COL5A2: variants seen among roughly 807,000 people sequenced by gnomAD.
COL5A2 encodes the protein collagen alpha-2(V) chain.
Under a neutral mutation model 208.2 loss-of-function variants are expected in COL5A2, and 23 were observed. The ratio of observed to expected loss-of-function variants is 0.11; its 90% CI spans 0.08 to 0.16. The LOEUF is 0.16. Ranked by LOEUF, COL5A2 falls within the 10% of genes least tolerant of loss-of-function variation. COL5A2 has a pLI of 1.00. For missense variants in COL5A2, 1,590 were observed against 1,956.4 expected (o/e 0.81, Z 3.53); for synonymous variants, 625 against 628.5 (o/e 0.99, Z 0.08).
intron 13 of COL5A2, 22 bp downstream of exon 13, chr2:189,080,968 G>A: frequency 6.2e-7 from 1 of 1,603,026 alleles, no homozygotes; most frequent in Non-Finnish European, 8.5e-7. Context: ...TATCTGAGAG[G>A]ATTACAATAG....
chr2:189,277,350 T>G, the COL5A2 span, among the ~76,000 whole-genome samples: 2 of 151,980 alleles, frequency 1.3e-5, no homozygotes, highest in South Asian at 2.1e-4. Flanking sequence ...CATCAGAAAA[T>G]TAAGGTAAAT....
intron 50 of COL5A2, among the ~76,000 whole-genome samples, chr2:189,041,151 C>G (rs1365857917): frequency 6.6e-6 from 1 of 152,092 alleles, no homozygotes; most frequent in African/African-American, 2.4e-5. Context: ...AAACTTTTTA[C>G]AAAAAGTTTT....
chr2:189,382,504 G>A, the COL5A2 span, among the ~76,000 whole-genome samples: 8 of 152,222 alleles, frequency 5.3e-5, no homozygotes, highest in African/African-American at 1.9e-4. Flanking sequence ...TTCTATTTAT[G>A]GAAGTTTTTC....
intron 18 of COL5A2, among the ~76,000 whole-genome samples, chr2:189,070,241 T>C (rs1181535582): frequency 6.6e-6 from 1 of 152,222 alleles, no homozygotes; most frequent in Non-Finnish European, 1.5e-5. Context: ...TATGTACCTA[T>C]GTGGATCTAA....
At chr2:189,280,496 G>C in the COL5A2 span, among the ~76,000 whole-genome samples, 2 of 151,868 alleles carry the variant, frequency 1.3e-5, no homozygotes, top group Non-Finnish European at 2.9e-5. Context: ...AAAATATGAA[G>C]GAATATACAA....
chr2:189,337,600 G>A, the COL5A2 span, among the ~76,000 whole-genome samples: 1 of 152,126 alleles, frequency 6.6e-6, no homozygotes, highest in African/African-American at 2.4e-5. Context: ...ATATACTCAT[G>A]GAGGAAGCAT....
At chr2:189,146,559 A>T (rs899722770) in intron 1 of COL5A2, among the ~76,000 whole-genome samples, 1 of 152,176 alleles carries the variant, frequency 6.6e-6, no homozygotes, top group Non-Finnish European at 1.5e-5. Flanking sequence ...ATTCAAAATG[A>T]TTAAGCCTAG....
intron 1 of COL5A2, among the ~76,000 whole-genome samples, chr2:189,131,366 AG>A (rs1159507711): frequency 6.6e-6 from 1 of 152,198 alleles, no homozygotes; most frequent in African/African-American, 2.4e-5. Context: ...AGCATCAAAA[AG>A]GTTTTTTTCT....
At chr2:189,303,232 A>G in the COL5A2 span, among the ~76,000 whole-genome samples, 3 of 152,192 alleles carry the variant, frequency 2.0e-5, no homozygotes, top group Admixed American at 1.3e-4. Context: ...TACTATCCAC[A>G]GTTTCACGCA....
At chr2:189,160,197 C>A (rs1020408540) in intron 1 of COL5A2, among the ~76,000 whole-genome samples, 4 of 152,044 alleles carry the variant, frequency 2.6e-5, no homozygotes, top group African/African-American at 9.7e-5. Flanking sequence ...ATTCAGTGTC[C>A]TCATCTTTAA....
At chr2:189,140,910 C>T (rs1463680367) in intron 1 of COL5A2, among the ~76,000 whole-genome samples, 2 of 152,134 alleles carry the variant, frequency 1.3e-5, no homozygotes, top group Non-Finnish European at 2.9e-5. Context: ...TTAAGCACCA[C>T]ACAGATATTA....
At chr2:189,069,823 G>A (rs544458040) in intron 18 of COL5A2, among the ~76,000 whole-genome samples, 5 of 152,152 alleles carry the variant, frequency 3.3e-5, no homozygotes, top group South Asian at 2.1e-4. Context: ...CAGTTCCACC[G>A]ACCTTCAAGA....
chr2:189,246,836 A>T, the COL5A2 span, among the ~76,000 whole-genome samples: 1 of 152,220 alleles, frequency 6.6e-6, no homozygotes, highest in East Asian at 1.9e-4. Context: ...TTGAAGACAC[A>T]GCCTGAAGAA....
At chr2:189,222,060 A>G (rs1515863) in intron 1 of COL5A2, among the ~76,000 whole-genome samples, 149,782 of 152,266 alleles carry the variant, frequency 0.98, 73,708 homozygotes, top group East Asian at 1. Context: ...CTAGAATTAA[A>G]CACTTAAAAA....
At chr2:189,163,011 T>G (rs12105389) in intron 1 of COL5A2, among the ~76,000 whole-genome samples, 3 of 151,958 alleles carry the variant, frequency 2.0e-5, no homozygotes, top group African/African-American at 7.3e-5. Context: ...CCATCAAACA[T>G]GATTGCCAAG....
Position 189,063,213 on chromosome 2 carries a change from G to T in COL5A2, c.1828C>A (p.Gln610Lys). Reference sequence around the variant, plus strand: ...CCTGGAAGGCCCATGCTCCCGGGCTGCCCTCTGATTCCTATGGAGCCTGGA... The same window carrying T: ...CCTGGAAGGCCCATGCTCCCGGGCTTCCCTCTGATTCCTATGGAGCCTGGA... ...GPPGSIGIRG[Q>K]PGSMGLPGPK... is the part of the protein sequence containing the mutation. The change falls in exon 27 of 54, where the codon CAG becomes AAG. Residue 610 changes from glutamine to lysine, a missense_variant. Gln to Lys is a moderately conservative substitution (Grantham distance 53). Coordinates refer to ENST00000374866, the MANE Select transcript of COL5A2 (RefSeq NM_000393.5). 1 of 1,614,172 alleles carries T rather than the reference G, an allele frequency of 6.2e-7. No individual in the cohort carries two copies. The highest frequency in any genetic ancestry group is 1.7e-4 in the Middle Eastern group (1 of 6,060).
At chr2:189,044,559 T>G (rs756621326) in intron 47 of COL5A2, among the ~76,000 whole-genome samples, 23 of 152,154 alleles carry the variant, frequency 1.5e-4, no homozygotes, top group Non-Finnish European at 3.2e-4. Flanking sequence ...TATAAAATAT[T>G]TGCCAGTCAA....
At position 189,123,788 on chromosome 2, in the gene COL5A2, A is replaced by G. The variant is rs564664480; in HGVS notation, c.98-13339T>C. On this transcript the variant is annotated intron_variant, in intron 1 of 53. Coordinates refer to ENST00000374866, the MANE Select transcript of COL5A2 (RefSeq NM_000393.5). ...AAGTTATGTTAAGTGAGTGATAAAA[A>G]TTTTCCACATAGTCCTAACAACCAT... Among the ~76,000 whole-genome samples, 62 of 152,272 alleles carry G rather than the reference A, an allele frequency of 4.1e-4. 3 individuals are homozygous for G. The South Asian group carries it at 0.012, about 30-fold the overall frequency.
the COL5A2 span, among the ~76,000 whole-genome samples, chr2:189,246,814 G>A: frequency 3.3e-5 from 5 of 152,178 alleles, no homozygotes; most frequent in Non-Finnish European, 7.3e-5. Flanking sequence ...TCTTAGTGGG[G>A]AAAACTGGTG....
Sources: gnomAD v4.1 joint callset for allele counts (sites outside exome capture counted in the v4.1 genomes callset) on GRCh38, gnomAD v4.1.1 for gene constraint, MANE v1.5 for transcripts, NCBI Gene and HGNC (gene_info 2026-07-23, HGNC 2026-07-21) for gene names.